The following R3HDM2 variants were observed in gnomAD, a reference collection of about 807,000 sequenced individuals.
R3HDM2 encodes the protein R3H domain-containing protein 2.
A neutral mutation model predicts 124.5 loss-of-function variants in R3HDM2; 38 were observed. The observed-to-expected ratio is 0.31, with a 90% CI of 0.24 to 0.40. The LOEUF is 0.40. Ranked by LOEUF, R3HDM2 falls within the 10% of genes least tolerant of loss-of-function variation. The pLI is 1.00. For synonymous variants in R3HDM2, 391 were observed against 448.0 expected (o/e 0.87, Z 1.61); for missense variants, 869 against 1,236.9 (o/e 0.70, Z 4.46).
Position 57,296,579 on chromosome 12 carries a change from G to A in R3HDM2, c.561-28C>T. The A allele has an allele frequency of 6.5e-7, 1 of 1,542,788 alleles. No homozygotes were observed. On this transcript the variant is annotated intron_variant, in intron 8 of 23. Coordinates refer to ENST00000402412, the MANE Select transcript of R3HDM2 (RefSeq NM_001394031.1). The surrounding 1 kb of genome is among the most constrained non-coding windows in gnomAD (Gnocchi z 4.5). ...GAAGGGAAACCCGGGGAAAAAAAGT[G>A]AAATAAGACAAACAACTGCAATAAC...
At chr12:57,416,270 G>C (rs1290081189) in intron 1 of R3HDM2, among the ~76,000 whole-genome samples, 1 of 152,080 alleles carries the variant, frequency 6.6e-6, no homozygotes, top group African/African-American at 2.4e-5. Context: ...GAGAGGGAGA[G>C]AGGAAGAGAA....
intron 2 of R3HDM2, among the ~76,000 whole-genome samples, chr12:57,386,917 C>A (rs1248168081): frequency 6.6e-6 from 1 of 151,884 alleles, no homozygotes; most frequent in Non-Finnish European, 1.5e-5. Flanking sequence ...CTTGGAGAAC[C>A]TTTATGTCTA....
chr12:57,409,530 AAG>A (rs1012702019), intron 1 of R3HDM2, among the ~76,000 whole-genome samples: 7 of 151,654 alleles, frequency 4.6e-5, no homozygotes, highest in Non-Finnish European at 8.8e-5. Context: ...AAAAAAGAAA[AAG>A]AAAAAAAAAA....
intron 1 of R3HDM2, among the ~76,000 whole-genome samples, chr12:57,426,825 G>C (rs183668775): frequency 6.6e-6 from 1 of 151,972 alleles, no homozygotes; most frequent in African/African-American, 2.4e-5. Context: ...TAGAAAACCA[G>C]GTTTTCCTAG....
At chr12:57,260,284 A>AAAAAAAAAAAAAAAAAAAC in intron 19 of R3HDM2, among the ~76,000 whole-genome samples, 1 of 147,346 alleles carries the variant, frequency 6.8e-6, no homozygotes, top group Non-Finnish European at 1.5e-5. Context: ...AAAAAAAAAA[A>AAAAAAAAAAAAAAAAAAAC]AGCCTGCTGA....
At chr12:57,342,835 T>C (rs1877889) in intron 2 of R3HDM2, among the ~76,000 whole-genome samples, 87 of 152,348 alleles carry the variant, frequency 5.7e-4, no homozygotes, top group African/African-American at 2.0e-3. Flanking sequence ...AACCTTGTTA[T>C]AGAGAATTTT....
At chr12:57,308,754 A>G (rs925862825) in intron 3 of R3HDM2, among the ~76,000 whole-genome samples, 4 of 152,228 alleles carry the variant, frequency 2.6e-5, no homozygotes, top group African/African-American at 7.2e-5. Context: ...ACAAAACAGG[A>G]ATTCAGAACA....
intron 13 of R3HDM2, 94 bp from the exon 14 acceptor site, chr12:57,280,624 G>T: frequency 1.7e-6 from 2 of 1,180,124 alleles, no homozygotes; most frequent in African/African-American, 1.6e-5. Flanking sequence ...CTTTTTCTTT[G>T]CCTTTCCTCT....
chr12:57,416,763 G>GC (rs765156880), intron 1 of R3HDM2, among the ~76,000 whole-genome samples: 1 of 151,460 alleles, frequency 6.6e-6, no homozygotes, highest in Non-Finnish European at 1.5e-5. Context: ...AGCTGAGACT[G>GC]CGCCACTGCA....
At chr12:57,388,453 A>C (rs1180286802) in intron 2 of R3HDM2, among the ~76,000 whole-genome samples, 1 of 152,210 alleles carries the variant, frequency 6.6e-6, no homozygotes, top group African/African-American at 2.4e-5. Flanking sequence ...GCAAGAGAAG[A>C]ACTGGCTGCC....
chr12:57,349,884 T>C (rs1352207492), intron 2 of R3HDM2, among the ~76,000 whole-genome samples: 1 of 151,556 alleles, frequency 6.6e-6, no homozygotes, highest in Non-Finnish European at 1.5e-5. Flanking sequence ...ATGTTGTCTG[T>C]CTTCTGTGCT....
intron 2 of R3HDM2, among the ~76,000 whole-genome samples, chr12:57,393,293 G>A (rs537047811): frequency 2.6e-5 from 4 of 151,796 alleles, no homozygotes; most frequent in Admixed American, 1.3e-4. Flanking sequence ...TAGTAGAAAC[G>A]GGGTTTCATC....
chr12:57,353,718 T>G (rs1478627009), intron 2 of R3HDM2, among the ~76,000 whole-genome samples: 1 of 152,124 alleles, frequency 6.6e-6, no homozygotes, highest in Admixed American at 6.6e-5. Flanking sequence ...CCCAGCTATT[T>G]CCAATTTTTA....
chr12:57,328,754 T>C (rs1030066418), intron 2 of R3HDM2, among the ~76,000 whole-genome samples: 8 of 151,932 alleles, frequency 5.3e-5, no homozygotes, highest in Non-Finnish European at 1.2e-4. Context: ...GACAATGCTA[T>C]TGCACCTGGC....
At chr12:57,408,961 TTCTC>T (rs1214327259) in intron 1 of R3HDM2, among the ~76,000 whole-genome samples, 5 of 152,142 alleles carry the variant, frequency 3.3e-5, no homozygotes, top group Admixed American at 1.3e-4. Context: ...CTATATTGAC[TTCTC>T]TCTTATTTTG....
chr12:57,366,022 T>C (rs2062601351), intron 2 of R3HDM2, among the ~76,000 whole-genome samples: 1 of 152,214 alleles, frequency 6.6e-6, no homozygotes, highest in Admixed American at 6.5e-5. Flanking sequence ...TCACTAAAAT[T>C]AAAAAACTTA....
intron 19 of R3HDM2, among the ~76,000 whole-genome samples, 175 bp downstream of exon 19, chr12:57,266,556 G>A (rs2042469695): frequency 6.6e-6 from 1 of 152,228 alleles, no homozygotes; most frequent in Admixed American, 6.5e-5. Context: ...TGAGAGGTCA[G>A]CTTCAGTACC....
chr12:57,361,048 C>CAAA lies in R3HDM2; in HGVS notation c.-36+34698_-36+34700dup, dbSNP rs35437591. Among the ~76,000 whole-genome samples the CAAA allele has an allele frequency of 3.6e-3, 216 of 59,522 alleles. 1 individual carries two copies. The highest frequency in any genetic ancestry group is 0.017 in the Middle Eastern group (1 of 58). 39.0% of individuals were successfully genotyped at this position (59,522 alleles called of 152,430 possible). A position where few individuals can be genotyped will look rare whatever the true frequency, so the allele number is the denominator to read the frequency against. On this transcript the variant is annotated intron_variant, in intron 2 of 23. Transcript: ENST00000402412. ...CTGGGCAACAGAGCAAGACACGTCT[C>CAAA]AAAAAAAAAAAAAAAAAAAAAAAGC... is the stretch of plus-strand genomic sequence containing the variant.
At chr12:57,257,378 T>C (rs2039391448) in intron 21 of R3HDM2, among the ~76,000 whole-genome samples, 1 of 152,242 alleles carries the variant, frequency 6.6e-6, no homozygotes, top group African/African-American at 2.4e-5. Context: ...TTAAGTACCA[T>C]TAAGTGTTAC....
Sources: gnomAD v4.1 joint callset for allele counts (sites outside exome capture counted in the v4.1 genomes callset) on GRCh38, gnomAD v4.1.1 for gene constraint, Gnocchi (gnomAD v3.1) non-coding constraint, MANE v1.5 for transcripts, NCBI Gene and HGNC (gene_info 2026-07-23, HGNC 2026-07-21) for gene names.